Variants in IL36B observed in about 807,000 individuals in gnomAD.
IL36B encodes the protein interleukin 36 beta.
IL36B carries 23 observed loss-of-function variants against 19.3 expected under a neutral mutation model. That is an observed-to-expected ratio of 1.19 (90% CI 0.86 to 1.69). The LOEUF (loss-of-function observed/expected upper bound fraction) is 1.69, where lower values mean the gene tolerates loss of function less well. Among genes scored for constraint, IL36B ranks in the 40% most tolerant of loss-of-function variants. The pLI, the probability that IL36B is intolerant of heterozygous loss-of-function variation, is 0.00. For missense variants in IL36B, 217 were observed against 200.5 expected (o/e 1.08, Z -0.50); for synonymous variants, 59 against 59.7 (o/e 0.99, Z 0.05).
intron 4 of IL36B, chr2:113,027,793 T>TA: frequency 6.6e-7 from 1 of 1,505,218 alleles, no homozygotes; most frequent in Non-Finnish European, 8.9e-7. Context: ...TGAGGTAAGC[T>TA]ATGGATGGGC....
chr2:113,026,547 C>T (rs1286229865), intron 4 of IL36B, among the ~76,000 whole-genome samples: 1 of 152,176 alleles, frequency 6.6e-6, no homozygotes, highest in Non-Finnish European at 1.5e-5. Flanking sequence ...CTGTTATGCT[C>T]ATGTTCATGC....
rs1041388136 is a variant in IL36B, at chr2:113,038,361, A to G, written c.-57-6595T>C. ...GTATGGTCATTCTGGACCAGACTTCATCCTGTGCCACTTCTATTTCTGTGA... is the reference window on the plus strand; with the variant it reads ...GTATGGTCATTCTGGACCAGACTTCGTCCTGTGCCACTTCTATTTCTGTGA... On this transcript the variant is annotated intron_variant, in intron 1 of 5. Transcript: ENST00000259213. Among the ~76,000 whole-genome samples the G allele has an allele frequency of 2.0e-5, 3 of 152,216 alleles. 1 individual carries two copies. The highest frequency in any genetic ancestry group is 7.2e-5 in the African/African-American group (3 of 41,460).
Position 113,045,927 on chromosome 2 carries a change from A to T in IL36B, c.-58+6890T>A, listed in dbSNP as rs557671585. 1.1e-4 allele frequency among the ~76,000 whole-genome samples: 16 copies of T among 152,164 alleles called. No homozygotes were observed. The East Asian group carries it at 2.9e-3, about 28-fold the overall frequency. ...CTGTATCAGTTCTGGGTTGGCTTTGATTAATTTTTCTCCTCATACTGTGTC... is the reference window on the plus strand; with the variant it reads ...CTGTATCAGTTCTGGGTTGGCTTTGTTTAATTTTTCTCCTCATACTGTGTC... On this transcript the variant is annotated intron_variant, in intron 1 of 5. Coordinates refer to ENST00000259213, the MANE Select transcript of IL36B (RefSeq NM_014438.5).
At chr2:113,047,366 T>G (rs1280586164) in intron 1 of IL36B, among the ~76,000 whole-genome samples, 1 of 152,202 alleles carries the variant, frequency 6.6e-6, no homozygotes, top group Non-Finnish European at 1.5e-5. Flanking sequence ...GCATGACTTT[T>G]GAGTGTCATG....
In IL36B at chr2:113,036,184, G is replaced by T. The variant is rs529277395; in HGVS notation, c.-57-4418C>A. Among the ~76,000 whole-genome samples the T allele has an allele frequency of 2.6e-5, 4 of 152,144 alleles. No homozygotes were observed. The East Asian group carries it at 5.8e-4, about 22-fold the overall frequency. On this transcript the variant is annotated intron_variant, in intron 1 of 5. Coordinates refer to ENST00000259213, the MANE Select transcript of IL36B (RefSeq NM_014438.5). The stretch of plus-strand genomic sequence containing the variant: ...TGGTCTTGAATTCCTGACCTCAAAT[G>T]ATCTGCCTGCCTCTGCCTCCCAAAG...
chr2:113,050,701 C>T (rs1408625932), intron 1 of IL36B, among the ~76,000 whole-genome samples: 1 of 151,952 alleles, frequency 6.6e-6, no homozygotes, highest in African/African-American at 2.4e-5. Context: ...AATAAGTTAT[C>T]AAAAACAGCA....
rs777632544 is a variant in IL36B, at chr2:113,031,136, G to A, written c.33C>T (p.Ser11=). 5.6e-6 allele frequency: 9 copies of A among 1,614,024 alleles called. No homozygotes were observed. Among genetic ancestry groups the A allele is most frequent in the Non-Finnish European group, 6.8e-6 (8 of 1,179,870 alleles). Residue 11 remains serine (S), a synonymous_variant, in exon 3 of 6, where the codon TCC becomes TCT. Transcript: ENST00000259213. ...TCTGTCGAGAATCACGAATAGCATA[G>A]GATTTGGGTGCTGCCTCCCCTGCCA... is the stretch of plus-strand genomic sequence containing the variant.
At chr2:113,035,580 G>GA (rs1685152442) in intron 1 of IL36B, among the ~76,000 whole-genome samples, 2 of 151,708 alleles carry the variant, frequency 1.3e-5, no homozygotes, top group Admixed American at 1.3e-4. Context: ...TATCCAGTGA[G>GA]AAAAAAAGCA....
intron 3 of IL36B, among the ~76,000 whole-genome samples, chr2:113,029,939 AAGG>A (rs904972830): frequency 2.0e-5 from 3 of 152,208 alleles, no homozygotes; most frequent in Admixed American, 2.0e-4. Flanking sequence ...ATTCTAATAG[AAGG>A]AGAAGATGGG....
intron 4 of IL36B, among the ~76,000 whole-genome samples, chr2:113,028,546 G>C (rs1038498411): frequency 2.6e-5 from 4 of 152,140 alleles, no homozygotes; most frequent in African/African-American, 9.7e-5. Flanking sequence ...ATGTGTTTAT[G>C]GTACACAGAC....
chr2:113,026,321 A>G, intron 4 of IL36B: 1 of 1,572,708 alleles, frequency 6.4e-7, no homozygotes, highest in Admixed American at 1.8e-5. Context: ...TGACTGGAGT[A>G]AAAGGCCTGC....
chr2:113,050,362 C>T (rs1379000738), intron 1 of IL36B, among the ~76,000 whole-genome samples: 3 of 151,528 alleles, frequency 2.0e-5, no homozygotes, highest in Admixed American at 6.6e-5. Flanking sequence ...AAAAAAATAC[C>T]GTGTAATTCC....
rs1166471041 is a variant in IL36B at position 113,040,685 on chromosome 2, A to G, written c.-57-8919T>C. Reference sequence around the variant, plus strand: ...CTTAGGAATAAATTTAACAAAGTATATAAAAGACCTGTGCACCAAAAACTA... The same window carrying G: ...CTTAGGAATAAATTTAACAAAGTATGTAAAAGACCTGTGCACCAAAAACTA... On this transcript the variant is annotated intron_variant, in intron 1 of 5. Coordinates refer to ENST00000259213, the MANE Select transcript of IL36B (RefSeq NM_014438.5). 5.2e-5 allele frequency among the ~76,000 whole-genome samples: 8 copies of G among 152,384 alleles called. No homozygotes were observed. The East Asian group carries it at 1.5e-3, about 29-fold the overall frequency.
chr2:113,025,951 T>C, intron 5 of IL36B: 1 of 1,270,690 alleles, frequency 7.9e-7, no homozygotes, highest in Non-Finnish European at 1.1e-6. Flanking sequence ...AACAGGGAAG[T>C]GAGAGAAGTC....
At chr2:113,052,390 G>A (rs1325786156) in intron 1 of IL36B, among the ~76,000 whole-genome samples, 1 of 152,192 alleles carries the variant, frequency 6.6e-6, no homozygotes, top group Non-Finnish European at 1.5e-5. Context: ...GGGAATGGGT[G>A]TGAATTAGTA....
chr2:113,031,184 C>G, intron 2 of IL36B, 29 bp from the exon 3 acceptor site: 1 of 1,492,280 alleles, frequency 6.7e-7, no homozygotes, highest in Non-Finnish European at 9.4e-7. Context: ...GCACAAAATA[C>G]ACGTGAGGTT....
chr2:113,046,232 C>T (rs1362978158), intron 1 of IL36B, among the ~76,000 whole-genome samples: 2 of 135,900 alleles, frequency 1.5e-5, no homozygotes, highest in South Asian at 2.2e-4. Flanking sequence ...TTTTTTGAGA[C>T]GGAGTCTGGC....
At chr2:113,048,641 G>T (rs1685389107) in intron 1 of IL36B, among the ~76,000 whole-genome samples, 1 of 152,038 alleles carries the variant, frequency 6.6e-6, no homozygotes, top group South Asian at 2.1e-4. Flanking sequence ...TAAGATCGGA[G>T]CAAAAATCAA....
intron 1 of IL36B, among the ~76,000 whole-genome samples, chr2:113,032,752 A>G (rs1685102754): frequency 6.6e-6 from 1 of 152,142 alleles, no homozygotes; most frequent in African/African-American, 2.4e-5. Context: ...CAGGACTCCC[A>G]GGCCCCTTAA....
Sources: gnomAD v4.1 joint callset for allele counts (sites outside exome capture counted in the v4.1 genomes callset) on GRCh38, gnomAD v4.1.1 for gene constraint, MANE v1.5 for transcripts, NCBI Gene and HGNC (gene_info 2026-07-23, HGNC 2026-07-21) for gene names.